Variants in ZC3H12B observed in about 807,000 individuals in gnomAD.
The protein encoded by ZC3H12B is probable ribonuclease ZC3H12B.
In ZC3H12B, 7 loss-of-function variants were observed where a neutral mutation model predicts 43.9. The observed-to-expected ratio is 0.16, with a 90% CI of 0.09 to 0.30. The LOEUF (loss-of-function observed/expected upper bound fraction) is 0.30. Ranked by LOEUF, ZC3H12B falls within the 10% of genes least tolerant of loss-of-function variation. ZC3H12B has a pLI of 1.00. For synonymous variants in ZC3H12B, 222 were observed against 241.7 expected (o/e 0.92, Z 0.76); for missense variants, 475 against 670.2 (o/e 0.71, Z 3.22).
the ZC3H12B span, among the ~76,000 whole-genome samples, chrX:65,062,970 T>C: frequency 9.0e-6 from 1 of 111,698 alleles, no homozygotes; most frequent in Admixed American, 9.5e-5. Flanking sequence ...TTGTCTATTA[T>C]TGGTGTTTAG....
chrX:65,049,251 G>A, the ZC3H12B span, among the ~76,000 whole-genome samples: 6 of 111,113 alleles, frequency 5.4e-5, no homozygotes, highest in African/African-American at 2.0e-4. Flanking sequence ...TCCCAAGACT[G>A]ATGTTATGAA....
the ZC3H12B span, among the ~76,000 whole-genome samples, chrX:65,235,580 C>A: frequency 9.0e-6 from 1 of 111,206 alleles, no homozygotes; most frequent in Admixed American, 9.5e-5. Context: ...CAGCTTGCAT[C>A]CCAGCCTGGA....
chrX:65,463,503 A>AT (rs2067778698), intron 3 of ZC3H12B, among the ~76,000 whole-genome samples: 1 of 111,601 alleles, frequency 9.0e-6, no homozygotes, highest in Admixed American at 9.6e-5. Flanking sequence ...AACTCGGTCA[A>AT]TAGAAATTTA....
intron 3 of ZC3H12B, among the ~76,000 whole-genome samples, chrX:65,441,968 T>A (rs2067306986): frequency 1.8e-5 from 2 of 108,189 alleles, no homozygotes; most frequent in Non-Finnish European, 3.8e-5. Context: ...GAGCCCAGTG[T>A]TTTCCTTTTT....
chrX:65,176,450 T>A, the ZC3H12B span, among the ~76,000 whole-genome samples: 1 of 111,483 alleles, frequency 9.0e-6, no homozygotes, highest in Non-Finnish European at 1.9e-5. Context: ...TGGGCAGTTG[T>A]GGGCGCAACT....
chrX:65,503,348 C>A, exon 5 of ZC3H12B: 1 of 521,039 alleles, frequency 1.9e-6, no homozygotes, highest in Non-Finnish European at 2.9e-6. Flanking sequence ...CTTAACAACC[C>A]TGTGAGGTAC....
At chrX:65,164,192 C>T in the ZC3H12B span, among the ~76,000 whole-genome samples, 2 of 111,057 alleles carry the variant, frequency 1.8e-5, no homozygotes, top group Admixed American at 9.7e-5. Context: ...ATTTTGGTGG[C>T]CAGGGACTAG....
the ZC3H12B span, among the ~76,000 whole-genome samples, chrX:65,090,876 C>T: frequency 9.0e-6 from 1 of 110,996 alleles, no homozygotes. Flanking sequence ...TGTTGCTGTC[C>T]TTGCGTTAGT....
chrX:65,098,261 A>ACACACACACAT, the ZC3H12B span, among the ~76,000 whole-genome samples: 1 of 91,625 alleles, frequency 1.1e-5, no homozygotes, highest in African/African-American at 7.1e-5. Context: ...CACACACACA[A>ACACACACACAT]CTGGAACAGA....
chrX:65,039,465 C>T, the ZC3H12B span, among the ~76,000 whole-genome samples: 1 of 111,576 alleles, frequency 9.0e-6, no homozygotes, highest in Non-Finnish European at 1.9e-5. Flanking sequence ...AGCCATTGTA[C>T]AGTATTATTA....
At chrX:65,492,533 A>T (rs930983512) in intron 1 of ZC3H12B, among the ~76,000 whole-genome samples, 2 of 111,884 alleles carry the variant, frequency 1.8e-5, no homozygotes, top group East Asian at 2.8e-4. Context: ...TAGACCATGT[A>T]ATTTTTTTTA....
chrX:65,107,239 G>A, the ZC3H12B span, among the ~76,000 whole-genome samples: 3 of 111,401 alleles, frequency 2.7e-5, no homozygotes, highest in Non-Finnish European at 5.7e-5. Context: ...AGGAGATGAG[G>A]CAGGGATGTG....
At chrX:65,387,426 G>A (rs962208901) in intron 2 of ZC3H12B, among the ~76,000 whole-genome samples, 4 of 111,347 alleles carry the variant, frequency 3.6e-5, no homozygotes, top group African/African-American at 1.3e-4. Context: ...GATCTTTGTT[G>A]GTTGAAGTCT....
the ZC3H12B span, among the ~76,000 whole-genome samples, chrX:65,223,112 G>C: frequency 9.0e-6 from 1 of 111,639 alleles, no homozygotes; most frequent in African/African-American, 3.3e-5. Flanking sequence ...CTTTGACAAA[G>C]CAAACATAAA....
chrX:65,175,509 T>C, the ZC3H12B span, among the ~76,000 whole-genome samples: 1 of 112,349 alleles, frequency 8.9e-6, no homozygotes, highest in African/African-American at 3.2e-5. Context: ...AATCAAAAAC[T>C]TTTTTGAGCA....
intron 3 of ZC3H12B, among the ~76,000 whole-genome samples, chrX:65,481,734 C>T (rs1452085214): frequency 8.9e-6 from 1 of 112,102 alleles, no homozygotes; most frequent in Non-Finnish European, 1.9e-5. Context: ...CAGAATTACT[C>T]CTGCAGCTGA....
the ZC3H12B span, among the ~76,000 whole-genome samples, chrX:65,318,894 C>T: frequency 9.0e-6 from 1 of 111,169 alleles, no homozygotes; most frequent in Non-Finnish European, 1.9e-5. Flanking sequence ...AAAAATACAA[C>T]ATACCAGAAT....
the ZC3H12B span, among the ~76,000 whole-genome samples, chrX:65,312,399 A>AT: frequency 2.7e-3 from 281 of 104,001 alleles, no homozygotes; most frequent in East Asian, 0.014. Context: ...CCGAGGTTCT[A>AT]TTTTTTTTTT....
At chrX:65,103,943 A>C in the ZC3H12B span, among the ~76,000 whole-genome samples, 58 of 112,057 alleles carry the variant, frequency 5.2e-4, 1 homozygote, top group East Asian at 0.015. Flanking sequence ...GGAACCATAA[A>C]AGAGCCTGCA....
Sources: gnomAD v4.1 joint callset for allele counts (sites outside exome capture counted in the v4.1 genomes callset) on GRCh38, gnomAD v4.1.1 for gene constraint, MANE v1.5 for transcripts, NCBI Gene and HGNC (gene_info 2026-07-23, HGNC 2026-07-21) for gene names.